The following PAK5 variants were observed in gnomAD, a reference collection of about 807,000 sequenced individuals.
PAK5 encodes serine/threonine-protein kinase PAK 5.
Under a neutral mutation model 65.9 loss-of-function variants are expected in PAK5, and 16 were observed. The ratio of observed to expected loss-of-function variants is 0.24; its 90% CI spans 0.16 to 0.37. The LOEUF (loss-of-function observed/expected upper bound fraction) is 0.37, where lower values mean the gene tolerates loss of function less well. Ranked by LOEUF, PAK5 falls within the 10% of genes least tolerant of loss-of-function variation. PAK5 has a pLI of 1.00. For synonymous variants in PAK5, 371 were observed against 354.9 expected (o/e 1.05, Z -0.51); for missense variants, 785 against 903.9 (o/e 0.87, Z 1.69).
At chr20:9,722,899 G>A (rs944388717) in intron 1 of PAK5, among the ~76,000 whole-genome samples, 15 of 152,076 alleles carry the variant, frequency 9.9e-5, no homozygotes, top group African/African-American at 3.6e-4. Context: ...ACCATGCCCA[G>A]CTAATTTTTG....
At chr20:9,589,004 C>A (rs1039056552) in intron 3 of PAK5, among the ~76,000 whole-genome samples, 3 of 152,140 alleles carry the variant, frequency 2.0e-5, no homozygotes, top group Admixed American at 6.5e-5. Flanking sequence ...TGAAAAAGTG[C>A]CTCTGCCCTC....
At chr20:9,791,385 A>G (rs1951505026) in intron 1 of PAK5, among the ~76,000 whole-genome samples, 1 of 152,004 alleles carries the variant, frequency 6.6e-6, no homozygotes, top group Admixed American at 6.6e-5. Flanking sequence ...CAGTCACCCA[A>G]AGCAGGACCT....
intron 1 of PAK5, among the ~76,000 whole-genome samples, chr20:9,770,852 A>G (rs761576947): frequency 6.6e-6 from 1 of 152,194 alleles, no homozygotes; most frequent in African/African-American, 2.4e-5. Context: ...CAAGTTGGAC[A>G]TCAAGTTGTC....
intron 3 of PAK5, among the ~76,000 whole-genome samples, chr20:9,606,461 CA>C (rs542087228): frequency 1.6e-4 from 25 of 152,104 alleles, no homozygotes; most frequent in Non-Finnish European, 3.5e-4. Context: ...AGGTGCTTGT[CA>C]AGTGAAGGAA....
chr20:9,639,390 T>C (rs149301820), intron 3 of PAK5, among the ~76,000 whole-genome samples: 24 of 152,278 alleles, frequency 1.6e-4, no homozygotes, highest in Admixed American at 3.9e-4. Context: ...ATTTGCTTTA[T>C]GGGAGTTTAG....
At chr20:9,812,537 A>C (rs1217981071) in intron 1 of PAK5, among the ~76,000 whole-genome samples, 1 of 152,200 alleles carries the variant, frequency 6.6e-6, no homozygotes, top group African/African-American at 2.4e-5. Context: ...TCTCCTATAG[A>C]GTTAAACATG....
intron 3 of PAK5, among the ~76,000 whole-genome samples, chr20:9,635,478 C>T (rs150121390): frequency 1.4e-3 from 206 of 152,222 alleles, no homozygotes; most frequent in African/African-American, 4.6e-3. Context: ...CTCTCCCCAT[C>T]ATGCTCTGCT....
At chr20:9,807,903 G>A (rs550937596) in intron 1 of PAK5, among the ~76,000 whole-genome samples, 58 of 152,172 alleles carry the variant, frequency 3.8e-4, no homozygotes, top group South Asian at 1.5e-3. Context: ...CTGAGATCCC[G>A]AGTTAGCACA....
intron 1 of PAK5, among the ~76,000 whole-genome samples, chr20:9,773,725 A>G (rs1005294361): frequency 1.3e-5 from 2 of 152,236 alleles, no homozygotes; most frequent in Admixed American, 1.3e-4. Context: ...GAGCCTTGGC[A>G]TAACTATGGC....
Position 9,763,681 on chromosome 20 carries a change from T to C in PAK5, c.-161-52246A>G, listed in dbSNP as rs550215963. The stretch of plus-strand genomic sequence containing the variant: ...TTGAGTTGCAAAACTGCAGGAAAAA[T>C]GGAACAAACAGTATTTTCCCGTTTT... On this transcript the variant is annotated intron_variant, in intron 1 of 9. Coordinates refer to ENST00000353224, the MANE Select transcript of PAK5 (RefSeq NM_177990.4). 8.5e-5 allele frequency among the ~76,000 whole-genome samples: 13 copies of C among 152,120 alleles called. No individual in the cohort carries two copies. In the East Asian group the frequency reaches 9.7e-4, roughly 11 times the overall value.
intron 1 of PAK5, among the ~76,000 whole-genome samples, chr20:9,735,512 C>T (rs112003394): frequency 9.9e-5 from 15 of 152,006 alleles, no homozygotes; most frequent in African/African-American, 3.1e-4. Context: ...CTGGAAAGGC[C>T]GAAGATCCGT....
chr20:9,780,428 T>C (rs982651289), intron 1 of PAK5, among the ~76,000 whole-genome samples: 9 of 152,138 alleles, frequency 5.9e-5, no homozygotes, highest in Non-Finnish European at 7.4e-5. Flanking sequence ...GAATCTAAAA[T>C]CATATTTTCT....
chr20:9,621,170 A>G (rs925272316), intron 3 of PAK5, among the ~76,000 whole-genome samples: 1 of 152,246 alleles, frequency 6.6e-6, no homozygotes. Flanking sequence ...CACTGCTGAG[A>G]CATGAGGTTT....
At chr20:9,805,768 G>C (rs958055506) in intron 1 of PAK5, among the ~76,000 whole-genome samples, 2 of 152,182 alleles carry the variant, frequency 1.3e-5, no homozygotes, top group East Asian at 3.9e-4. Flanking sequence ...AATGGGCATA[G>C]AATTTCTTTT....
chr20:9,578,980 T>G lies in PAK5; in HGVS notation c.990+1165A>C, dbSNP rs1021822581. Among the ~76,000 whole-genome samples, 13 of 152,234 alleles carry G rather than the reference T, an allele frequency of 8.5e-5. 1 individual carries two copies. Among genetic ancestry groups the G allele is most frequent in the African/African-American group, 2.9e-4 (12 of 41,462 alleles). On this transcript the variant is annotated intron_variant, in intron 4 of 9. Coordinates refer to ENST00000353224, the MANE Select transcript of PAK5 (RefSeq NM_177990.4). ...TATCCTGGGAACTAAGGTGACAGCT[T>G]TTTTGTTTCTTCTAAAGAATGGCTG...
intron 2 of PAK5, among the ~76,000 whole-genome samples, chr20:9,665,088 T>TTTTTTTTTTTTG: frequency 7.1e-6 from 1 of 140,530 alleles, no homozygotes; most frequent in Non-Finnish European, 1.5e-5. Context: ...TTTTTCTGTT[T>TTTTTTTTTTTTG]TTTTTTTTTT....
At chr20:9,571,883 G>GGC (rs2045791217) in intron 4 of PAK5, among the ~76,000 whole-genome samples, 2 of 137,758 alleles carry the variant, frequency 1.5e-5, no homozygotes, top group Non-Finnish European at 3.1e-5. Context: ...ATGGGGGGGG[G>GGC]GGATGTGGTC....
At chr20:9,665,603 C>T (rs768616595) in intron 2 of PAK5, among the ~76,000 whole-genome samples, 8 of 152,030 alleles carry the variant, frequency 5.3e-5, no homozygotes, top group Non-Finnish European at 7.4e-5. Context: ...CCACCTCAGC[C>T]TCCTGATTAG....
intron 2 of PAK5, among the ~76,000 whole-genome samples, chr20:9,708,159 A>G (rs149974625): frequency 6.6e-6 from 1 of 152,276 alleles, no homozygotes; most frequent in East Asian, 1.9e-4. Context: ...TGACTTTTTA[A>G]TAGATGAGTG....
Sources: allele counts gnomAD v4.1 joint callset (sites outside exome capture counted in the v4.1 genomes callset), GRCh38; gene constraint gnomAD v4.1.1; transcripts MANE v1.5; gene names NCBI Gene and HGNC (gene_info 2026-07-23, HGNC 2026-07-21).